PCNX2: variants seen among roughly 807,000 people sequenced by gnomAD.
PCNX2 encodes the protein pecanex 2.
Under a neutral mutation model 223.8 loss-of-function variants are expected in PCNX2, and 168 were observed. The ratio of observed to expected loss-of-function variants is 0.75; its 90% confidence interval spans 0.66 to 0.85. The LOEUF is 0.85. Among genes scored for constraint, PCNX2 ranks in the 40% least tolerant of loss-of-function variants. The pLI is 0.00. For synonymous variants in PCNX2, 1,006 were observed against 1,052.6 expected (o/e 0.96, Z 0.86); for missense variants, 2,507 against 2,675.5 (o/e 0.94, Z 1.39).
Position 232,986,254 on chromosome 1 carries a change from GCTGGTGGAGGAGCCCAGGCTGGAC to G in PCNX2, c.6054_6077del (p.Arg2018_Thr2025del), listed in dbSNP as rs770011019. The G allele has an allele frequency of 1.9e-6, 3 of 1,560,748 alleles. No homozygotes were observed. Among genetic ancestry groups the G allele is most frequent in the Non-Finnish European group, 2.6e-6 (3 of 1,152,700 alleles). On this transcript the variant is annotated inframe_deletion, in exon 33 of 34. Coordinates refer to ENST00000258229, the MANE Select transcript of PCNX2 (RefSeq NM_014801.4). ...TGCCGAAGAGGAAGCTCAGGGTGGA[GCTGGTGGAGGAGCCCAGGCTGGAC>G]CTGATGAGCGCCTCGGCCCGCTCAC...
At chr1:233,149,931 G>C (rs1470849194) in intron 19 of PCNX2, among the ~76,000 whole-genome samples, 1 of 151,032 alleles carries the variant, frequency 6.6e-6, no homozygotes, top group Non-Finnish European at 1.5e-5. Flanking sequence ...CCTTTACTTA[G>C]GCCTCAATTT....
intron 21 of PCNX2, among the ~76,000 whole-genome samples, chr1:233,122,996 G>A (rs1379104166): frequency 1.3e-5 from 2 of 152,108 alleles, no homozygotes; most frequent in Non-Finnish European, 2.9e-5. Flanking sequence ...TCACAAACAT[G>A]GAAAACATCA....
chr1:233,169,644 C>CAAAAAAAAAAAAAAAAAAA (rs200439765), intron 17 of PCNX2, among the ~76,000 whole-genome samples: 98 of 68,666 alleles, frequency 1.4e-3, no homozygotes, highest in African/African-American at 4.9e-3. Flanking sequence ...AACTCCGTCT[C>CAAAAAAAAAAAAAAAAAAA]AAAAAAAAAA....
At chr1:233,290,146 T>A (rs571427684) in intron 1 of PCNX2, among the ~76,000 whole-genome samples, 1 of 144,272 alleles carries the variant, frequency 6.9e-6, no homozygotes, top group African/African-American at 2.6e-5. Context: ...AGGAAGGGGG[T>A]TGGGGTATTA....
At chr1:233,251,458 A>G (rs1659446921) in intron 7 of PCNX2, among the ~76,000 whole-genome samples, 1 of 152,190 alleles carries the variant, frequency 6.6e-6, no homozygotes, top group Non-Finnish European at 1.5e-5. Flanking sequence ...AAGAGCTCCT[A>G]CTAGTGCCTT....
At chr1:233,252,911 A>C in intron 5 of PCNX2, 123 bp from the exon 6 acceptor site, 1 of 1,002,670 alleles carries the variant, frequency 1.0e-6, no homozygotes, top group Non-Finnish European at 1.4e-6. Context: ...CTCTGCATGC[A>C]AAAGGCTTTT....
At chr1:233,247,140 T>C (rs1182151482) in intron 8 of PCNX2, among the ~76,000 whole-genome samples, 1 of 152,216 alleles carries the variant, frequency 6.6e-6, no homozygotes, top group Non-Finnish European at 1.5e-5. Flanking sequence ...ACTGACTCGT[T>C]TTTCCTGAGC....
At chr1:233,046,271 C>T (rs933231521) in intron 25 of PCNX2, among the ~76,000 whole-genome samples, 3 of 151,926 alleles carry the variant, frequency 2.0e-5, no homozygotes, top group African/African-American at 7.3e-5. Context: ...TAAATTTGAC[C>T]AAAATAAAGC....
rs1367147719 is a variant in PCNX2 at position 233,205,921 on chromosome 1, G to C, written c.2863+2597C>G. On this transcript the variant is annotated intron_variant, in intron 13 of 33. Transcript: ENST00000258229. ...GTGTGAGCAGATTGCTACAAAATGG[G>C]CTAAGGACTATGAAAGTGTGGGTAG... Among the ~76,000 whole-genome samples the C allele has an allele frequency of 1.3e-5, 2 of 152,144 alleles. 1 individual carries two copies. The highest frequency in any genetic ancestry group is 4.1e-4 in the South Asian group (2 of 4,826).
chr1:233,189,447 C>A (rs1271674365), intron 15 of PCNX2, among the ~76,000 whole-genome samples: 1 of 152,088 alleles, frequency 6.6e-6, no homozygotes, highest in South Asian at 2.1e-4. Context: ...AGATCTGGGA[C>A]GTGGGGTGTG....
At chr1:233,049,034 T>C (rs1011236218) in intron 25 of PCNX2, among the ~76,000 whole-genome samples, 5 of 152,078 alleles carry the variant, frequency 3.3e-5, no homozygotes, top group African/African-American at 1.2e-4. Flanking sequence ...CCAGAGGGAT[T>C]CACAACTGAA....
At chr1:233,039,099 G>T (rs1671557130) in intron 25 of PCNX2, among the ~76,000 whole-genome samples, 1 of 152,206 alleles carries the variant, frequency 6.6e-6, no homozygotes, top group Non-Finnish European at 1.5e-5. Context: ...GCTGCTAGAA[G>T]TGACTTACAA....
intron 5 of PCNX2, 64 bp from the exon 6 acceptor site, chr1:233,252,852 A>G (rs1300026588): frequency 2.8e-6 from 4 of 1,425,874 alleles, no homozygotes; most frequent in South Asian, 1.5e-5. Context: ...ACTCTGGGAA[A>G]TAAGTTACCA....
chr1:233,240,113 G>A (rs935666002), intron 8 of PCNX2, among the ~76,000 whole-genome samples: 9 of 152,290 alleles, frequency 5.9e-5, no homozygotes, highest in South Asian at 2.1e-4. Flanking sequence ...CATGCTTACA[G>A]TAAGCATTGC....
At position 233,001,817 on chromosome 1, in the gene PCNX2, T is replaced by C; in HGVS notation, c.4953-136A>G. On this transcript the variant is annotated intron_variant, in intron 28 of 33. Coordinates refer to ENST00000258229, the MANE Select transcript of PCNX2 (RefSeq NM_014801.4). The surrounding 1 kb of genome is among the most constrained non-coding windows in gnomAD (Gnocchi z 4.2). ...AGCAAGAAAATGAAGATAACAGGAC[T>C]CATCCCAGTGCACCTAGTGCCTACC... 1.1e-6 allele frequency: 1 copy of C among 876,130 alleles called. No homozygotes were observed. The highest frequency in any genetic ancestry group is 1.6e-6 in the Non-Finnish European group (1 of 633,114). The allele number at this position is 876,130 out of a possible 1,614,324, so 54.3% of individuals were successfully genotyped here. A position where few individuals can be genotyped will look rare whatever the true frequency, so the allele number is the denominator to read the frequency against.
At chr1:233,059,021 T>C (rs1470451339) in intron 23 of PCNX2, among the ~76,000 whole-genome samples, 1 of 152,178 alleles carries the variant, frequency 6.6e-6, no homozygotes, top group Non-Finnish European at 1.5e-5. Flanking sequence ...CCTGTTGGTT[T>C]TCCTTTTCCA....
intron 19 of PCNX2, among the ~76,000 whole-genome samples, chr1:233,145,041 T>C (rs1477358297): frequency 6.6e-6 from 1 of 150,562 alleles, no homozygotes; most frequent in Non-Finnish European, 1.5e-5. Flanking sequence ...CTCGGCTCAC[T>C]GCAAGCTCCG....
At chr1:233,032,188 C>T (rs569992522) in intron 25 of PCNX2, 24 of 521,118 alleles carry the variant, frequency 4.6e-5, no homozygotes, top group African/African-American at 1.2e-4. Flanking sequence ...CCACAACCTC[C>T]GCCTCCCGGG....
chr1:233,274,107 A>G (rs1451408990), intron 1 of PCNX2, among the ~76,000 whole-genome samples: 2 of 152,216 alleles, frequency 1.3e-5, no homozygotes, highest in Non-Finnish European at 2.9e-5. Flanking sequence ...GTTGCTCCCA[A>G]TTTAGAACCA....
Sources: allele counts gnomAD v4.1 joint callset (sites outside exome capture counted in the v4.1 genomes callset), GRCh38; gene constraint gnomAD v4.1.1; non-coding constraint Gnocchi (gnomAD v3.1); transcripts MANE v1.5; gene names NCBI Gene and HGNC (gene_info 2026-07-23, HGNC 2026-07-21).